The following ZCWPW2 variants were observed in gnomAD, a reference collection of about 807,000 sequenced individuals.
ZCWPW2 encodes zinc finger CW-type and PWWP domain containing 2.
In ZCWPW2, 45 loss-of-function variants were observed where a neutral mutation model predicts 46.6. That is an observed-to-expected ratio of 0.96 (90% CI 0.76 to 1.24). The LOEUF (loss-of-function observed/expected upper bound fraction) is 1.24, where lower values mean the gene tolerates loss of function less well. Ranked by LOEUF, ZCWPW2 falls within the 50% of genes most tolerant of loss-of-function variation. ZCWPW2 has a pLI of 0.00. For synonymous variants in ZCWPW2, 152 were observed against 137.1 expected (o/e 1.11, Z -0.76); for missense variants, 429 against 403.9 (o/e 1.06, Z -0.53).
rs796178704 is a variant in ZCWPW2, at chr3:28,420,138, T to G, written c.332+6738T>G. The stretch of plus-strand genomic sequence containing the variant: ...AAGGGGTTTTTGTGTCTGTATTTCC[T>G]TCAGTTCTGCTCTGATCTTAGTTAT... On this transcript the variant is annotated intron_variant, in intron 3 of 9. Transcript: ENST00000383768. Among the ~76,000 whole-genome samples the G allele has an allele frequency of 7.2e-5, 11 of 152,278 alleles. 1 individual carries two copies. The highest frequency in any genetic ancestry group is 2.6e-4 in the African/African-American group (11 of 41,558).
chr3:28,523,142 T>G (rs1043437771), intron 9 of ZCWPW2, among the ~76,000 whole-genome samples: 1 of 152,188 alleles, frequency 6.6e-6, no homozygotes, highest in African/African-American at 2.4e-5. Flanking sequence ...GATTGTTGTA[T>G]TATTTTATGC....
At chr3:28,411,015 T>G (rs1197467327) in intron 2 of ZCWPW2, among the ~76,000 whole-genome samples, 1 of 151,944 alleles carries the variant, frequency 6.6e-6, no homozygotes, top group Non-Finnish European at 1.5e-5. Context: ...GGGGAACATT[T>G]TTTACTTTAT....
intron 1 of ZCWPW2, among the ~76,000 whole-genome samples, chr3:28,362,738 ATTG>A (rs1164763424): frequency 1.3e-5 from 2 of 152,162 alleles, no homozygotes; most frequent in African/African-American, 4.8e-5. Context: ...AGAAATATAA[ATTG>A]TTGTATTATA....
At chr3:28,444,134 G>A (rs565902980) in intron 4 of ZCWPW2, among the ~76,000 whole-genome samples, 60 of 152,144 alleles carry the variant, frequency 3.9e-4, no homozygotes, top group African/African-American at 5.5e-4. Context: ...TCTTCCTTCC[G>A]CCATTATCCC....
At chr3:28,399,712 T>C (rs1301980466) in intron 2 of ZCWPW2, among the ~76,000 whole-genome samples, 1 of 152,120 alleles carries the variant, frequency 6.6e-6, no homozygotes, top group Non-Finnish European at 1.5e-5. Context: ...TAGGAAGCCA[T>C]GTCCATAGGA....
At chr3:28,374,143 A>C (rs1454902409) in intron 1 of ZCWPW2, among the ~76,000 whole-genome samples, 1 of 152,170 alleles carries the variant, frequency 6.6e-6, no homozygotes, top group Non-Finnish European at 1.5e-5. Flanking sequence ...TTAAGTCTTT[A>C]GTCCATTTTG....
chr3:28,489,586 A>G (rs929711764), intron 5 of ZCWPW2, among the ~76,000 whole-genome samples: 7 of 152,066 alleles, frequency 4.6e-5, no homozygotes, highest in Non-Finnish European at 7.4e-5. Context: ...AGTGAAATAT[A>G]TAATCACTAA....
chr3:28,462,736 T>A (rs2125789567), intron 4 of ZCWPW2, among the ~76,000 whole-genome samples: 1 of 152,342 alleles, frequency 6.6e-6, no homozygotes, highest in East Asian at 1.9e-4. Flanking sequence ...AAGACATGAA[T>A]TTCTGCCAGA....
intron 1 of ZCWPW2, among the ~76,000 whole-genome samples, chr3:28,375,120 T>C (rs752517891): frequency 2.0e-5 from 3 of 152,040 alleles, no homozygotes; most frequent in Non-Finnish European, 4.4e-5. Flanking sequence ...ATTTTTACTG[T>C]ATTTTTCCTG....
chr3:28,475,471 A>C (rs1382923577), intron 4 of ZCWPW2, among the ~76,000 whole-genome samples: 2 of 152,158 alleles, frequency 1.3e-5, no homozygotes, highest in African/African-American at 2.4e-5. Flanking sequence ...AATGAGAATG[A>C]TTTCTTTAAA....
At chr3:28,435,416 G>C in intron 4 of ZCWPW2, 147 bp downstream of exon 4, 2 of 687,962 alleles carry the variant, frequency 2.9e-6, no homozygotes, top group Non-Finnish European at 4.2e-6. Context: ...TGTATTTTTA[G>C]TGTTTTTCTC....
At chr3:28,486,361 T>G (rs985217827) in intron 5 of ZCWPW2, among the ~76,000 whole-genome samples, 7 of 152,162 alleles carry the variant, frequency 4.6e-5, no homozygotes, top group African/African-American at 1.7e-4. Context: ...TTAGATCAAT[T>G]AAGAATAAGA....
chr3:28,356,009 T>G (rs1248605456), intron 1 of ZCWPW2, among the ~76,000 whole-genome samples: 3 of 152,102 alleles, frequency 2.0e-5, no homozygotes, highest in Non-Finnish European at 4.4e-5. Flanking sequence ...GGAATCTAAT[T>G]AAACTAAAGA....
chr3:28,384,884 G>T (rs1389659094), intron 1 of ZCWPW2, among the ~76,000 whole-genome samples: 1 of 152,032 alleles, frequency 6.6e-6, no homozygotes, highest in East Asian at 1.9e-4. Flanking sequence ...CCAAAGTGTT[G>T]GGATTACAGG....
At chr3:28,408,821 A>T (rs1485452353) in intron 2 of ZCWPW2, among the ~76,000 whole-genome samples, 1 of 152,154 alleles carries the variant, frequency 6.6e-6, no homozygotes, top group Non-Finnish European at 1.5e-5. Context: ...ATTTTCCCTC[A>T]GCTCAGTTGT....
intron 6 of ZCWPW2, among the ~76,000 whole-genome samples, chr3:28,503,476 C>T (rs1391403454): frequency 6.6e-6 from 1 of 152,146 alleles, no homozygotes; most frequent in Non-Finnish European, 1.5e-5. Flanking sequence ...TGCTCACCAT[C>T]ATCATCTTCA....
Position 28,348,911 on chromosome 3 carries a change from G to T in ZCWPW2, c.-426G>T, listed in dbSNP as rs887183232. ...GCGCGCGAGACCCAGGCCCGCCGTC[G>T]GGACCAGCACGGGCCGGAGGGAGGG... On this transcript the variant is annotated 5_prime_UTR_variant, in exon 1 of 10. Transcript: ENST00000383768. 3 of 979,658 alleles carry T rather than the reference G, an allele frequency of 3.1e-6. No individual in the cohort carries two copies. Among genetic ancestry groups the T allele is most frequent in the South Asian group, 9.4e-5 (2 of 21,172 alleles). The allele number at this position is 979,658 out of a possible 1,614,324, so 60.7% of individuals were successfully genotyped here.
At chr3:28,404,258 C>A (rs1350940896) in intron 2 of ZCWPW2, among the ~76,000 whole-genome samples, 2 of 151,358 alleles carry the variant, frequency 1.3e-5, no homozygotes, top group African/African-American at 2.4e-5. Context: ...ATACAAATGA[C>A]CAACAAACAT....
At chr3:28,478,999 T>C (rs1699332677) in intron 5 of ZCWPW2, 68 bp downstream of exon 5, 2 of 1,012,362 alleles carry the variant, frequency 2.0e-6, no homozygotes, top group Non-Finnish European at 2.9e-6. Context: ...TTCCAAAATA[T>C]GTTTGCTCAT....
Sources: gnomAD v4.1 joint callset for allele counts (sites outside exome capture counted in the v4.1 genomes callset) on GRCh38, gnomAD v4.1.1 for gene constraint, MANE v1.5 for transcripts, NCBI Gene and HGNC (gene_info 2026-07-23, HGNC 2026-07-21) for gene names.